Variants in LAMA4 observed in about 807,000 individuals in gnomAD.
LAMA4 encodes laminin subunit alpha 4.
Under a neutral mutation model 207.1 loss-of-function variants are expected in LAMA4, and 127 were observed. The observed-to-expected ratio is 0.61, with a 90% CI of 0.53 to 0.71. LAMA4 has a LOEUF of 0.71. LAMA4 is among the 30% of genes least tolerant of loss of function. The probability of loss-of-function intolerance (pLI) is 0.00; values close to 1 mark genes in which losing one functional copy is unlikely to be tolerated. For synonymous variants in LAMA4, 761 were observed against 816.0 expected, an observed-to-expected ratio of 0.93 and a Z score of 1.15; for missense variants, 2,093 against 2,246.5, an observed-to-expected ratio of 0.93 and a Z score of 1.38.
chr6:112,121,561 A>G (rs1289893811), intron 32 of LAMA4, among the ~76,000 whole-genome samples: 1 of 152,238 alleles, frequency 6.6e-6, no homozygotes, highest in Non-Finnish European at 1.5e-5. Flanking sequence ...TACTGGAAAG[A>G]GGCGATGGGG....
chr6:112,150,814 G>T (rs1780355245), intron 16 of LAMA4, among the ~76,000 whole-genome samples, 187 bp from the exon 17 acceptor site: 1 of 152,182 alleles, frequency 6.6e-6, no homozygotes, highest in Non-Finnish European at 1.5e-5. Context: ...CAGAATTGCA[G>T]AACACTTGTA....
intron 12 of LAMA4, chr6:112,166,393 C>A (rs1428842080): frequency 2.6e-5 from 4 of 152,176 alleles, no homozygotes; most frequent in African/African-American, 9.6e-5. Context: ...ATCAATTATT[C>A]TTATCTTTAC....
At position 112,150,605 on chromosome 6, in the gene LAMA4, G is replaced by T. The variant is rs782664773; in HGVS notation, c.2079C>A (p.Asp693Glu). Reference protein sequence around the residue: ...AESSSDEAVADTSRRVGGALA... With the variant: ...AESSSDEAVAETSRRVGGALA... ...GGGCTCCACCCACACGCCTGCTAGT[G>T]TCAGCCACTGCTTCATCACTGCCTG... Residue 693 changes from aspartate to glutamate, a missense_variant, in exon 17 of 39, where the codon GAC becomes GAA. Physicochemically the swap from Asp to Glu is conservative, Grantham distance 45. This residue lies in a region of LAMA4 where 1,704 missense variants were observed against 1,788.4 expected (regional missense o/e 0.95). Coordinates refer to ENST00000230538, the MANE Select transcript of LAMA4 (RefSeq NM_001105206.3). 2 of 1,613,892 alleles carry T rather than the reference G, an allele frequency of 1.2e-6. No homozygotes were observed. Among genetic ancestry groups the T allele is most frequent in the Non-Finnish European group, 1.7e-6 (2 of 1,179,784 alleles).
At chr6:112,198,582 C>G (rs1783555674) in intron 5 of LAMA4, among the ~76,000 whole-genome samples, 1 of 152,166 alleles carries the variant, frequency 6.6e-6, no homozygotes, top group South Asian at 2.1e-4. Flanking sequence ...GTTTCCTCAT[C>G]TGCAAGATGA....
At position 112,122,144 on chromosome 6, in the gene LAMA4, G is replaced by T. The variant is rs372872387; in HGVS notation, c.4345C>A (p.Arg1449=). 8 of 1,613,742 alleles carry T rather than the reference G, an allele frequency of 5.0e-6. No homozygotes were observed. The highest frequency in any genetic ancestry group is 6.8e-6 in the Non-Finnish European group (8 of 1,179,824). ...WDPVALKLPE[R]NTPRNSHCHL... Reference sequence around the variant, plus strand: ...CAATGAGAGTTTCTTGGAGTATTCCGCTCTGGGAGTTTCAGAGCAACAGGA... The same window carrying T: ...CAATGAGAGTTTCTTGGAGTATTCCTCTCTGGGAGTTTCAGAGCAACAGGA... The change falls in exon 32 of 39, where the codon CGG becomes AGG. Residue 1449 remains arginine, a synonymous_variant. Coordinates refer to ENST00000230538, the MANE Select transcript of LAMA4 (RefSeq NM_001105206.3).
At chr6:112,216,787 A>C in intron 2 of LAMA4, 1 of 362,526 alleles carries the variant, frequency 2.8e-6, no homozygotes, top group Middle Eastern at 9.5e-4. Context: ...GGAGAAAAAA[A>C]TGCTAATGTT....
chr6:112,167,936 G>A (rs968436624), intron 12 of LAMA4, among the ~76,000 whole-genome samples: 24 of 151,586 alleles, frequency 1.6e-4, no homozygotes, highest in African/African-American at 5.3e-4. Flanking sequence ...CACCAGGCGC[G>A]GTGGCTCACG....
chr6:112,178,427 A>G (rs73766949), intron 9 of LAMA4, 195 bp from the exon 10 acceptor site: 2 of 574,096 alleles, frequency 3.5e-6, no homozygotes, highest in African/African-American at 3.8e-5. Flanking sequence ...CTTTTAAAAA[A>G]TTTTTTAATT....
intron 31 of LAMA4, among the ~76,000 whole-genome samples, chr6:112,126,066 T>C (rs1778670080): frequency 6.6e-6 from 1 of 152,144 alleles, no homozygotes; most frequent in African/African-American, 2.4e-5. Context: ...GTCAAGTTTC[T>C]GTCTAACACT....
intron 38 of LAMA4, 112 bp from the exon 39 acceptor site, chr6:112,109,694 T>G: frequency 9.2e-7 from 1 of 1,092,678 alleles, no homozygotes; most frequent in Non-Finnish European, 1.3e-6. Context: ...ATGATTTACA[T>G]TTCAAAAATA....
intron 2 of LAMA4, chr6:112,218,201 G>A (rs1784736533): frequency 6.6e-6 from 1 of 152,134 alleles, no homozygotes; most frequent in African/African-American, 2.4e-5. Context: ...CTTAATATTA[G>A]TTATCTTAGT....
At chr6:112,127,155 A>G (rs1396091486) in intron 31 of LAMA4, among the ~76,000 whole-genome samples, 1 of 152,172 alleles carries the variant, frequency 6.6e-6, no homozygotes, top group Non-Finnish European at 1.5e-5. Flanking sequence ...AGTGCTTATT[A>G]TATGTCAGGG....
chr6:112,151,487 AT>A (rs1439109975), intron 16 of LAMA4, among the ~76,000 whole-genome samples: 1 of 152,090 alleles, frequency 6.6e-6, no homozygotes, highest in Non-Finnish European at 1.5e-5. Context: ...ATTTTTACAC[AT>A]TTTAATCTTC....
chr6:112,245,642 T>C (rs1382894451), intron 2 of LAMA4, among the ~76,000 whole-genome samples: 2 of 132,956 alleles, frequency 1.5e-5, no homozygotes, highest in Admixed American at 8.0e-5. Flanking sequence ...AGCTGTAGAG[T>C]ACAGCCTGGA....
At chr6:112,182,454 C>A (rs1177676775) in intron 9 of LAMA4, among the ~76,000 whole-genome samples, 1 of 152,150 alleles carries the variant, frequency 6.6e-6, no homozygotes, top group African/African-American at 2.4e-5. Flanking sequence ...TATTTTTAAG[C>A]CATGATTGAA....
intron 13 of LAMA4, among the ~76,000 whole-genome samples, chr6:112,163,527 A>G (rs1157758721): frequency 6.6e-6 from 1 of 152,030 alleles, no homozygotes; most frequent in Non-Finnish European, 1.5e-5. Flanking sequence ...CCTGGTGTTT[A>G]GAGGAGGGAG....
At chr6:112,170,157 C>T (rs932870416) in intron 12 of LAMA4, among the ~76,000 whole-genome samples, 1 of 152,222 alleles carries the variant, frequency 6.6e-6, no homozygotes, top group Non-Finnish European at 1.5e-5. Flanking sequence ...ATCGAGAACT[C>T]ACAATCTAAA....
chr6:112,252,874 T>C (rs1272032912), intron 2 of LAMA4, among the ~76,000 whole-genome samples: 1 of 152,122 alleles, frequency 6.6e-6, no homozygotes. Flanking sequence ...CAGTGAGAGG[T>C]TGGCATATTC....
Position 112,253,984 on chromosome 6 carries a change from GCCA to G in LAMA4, c.164_166del (p.Val55del). 6.3e-7 allele frequency: 1 copy of G among 1,586,456 alleles called. No homozygotes were observed. Among genetic ancestry groups the G allele is most frequent in the South Asian group, 1.1e-5 (1 of 88,316 alleles). On this transcript the variant is annotated inframe_deletion, in exon 2 of 39. Transcript: ENST00000230538. ...GGCCGCAGGCGGCAGGCGTCCCAGA[GCCA>G]CGCGGGGTTCGCTCGTCTCAGGCGG...
Sources: allele counts gnomAD v4.1 joint callset (sites outside exome capture counted in the v4.1 genomes callset), GRCh38; gene constraint gnomAD v4.1.1; regional missense constraint gnomAD v4.1.1; transcripts MANE v1.5; gene names NCBI Gene and HGNC (gene_info 2026-07-23, HGNC 2026-07-21).